Variants in ZNF704 observed in about 807,000 individuals in gnomAD.
ZNF704 encodes the protein glucocorticoid induced gene 1.
In ZNF704, 10 loss-of-function variants were observed where a neutral mutation model predicts 44.7. The observed-to-expected ratio is 0.22, with a 90% CI of 0.14 to 0.38. The LOEUF is 0.38. Among genes scored for constraint, ZNF704 ranks in the 10% least tolerant of loss-of-function variants. The probability of loss-of-function intolerance (pLI) is 1.00; values close to 1 mark genes in which losing one functional copy is unlikely to be tolerated. For synonymous variants in ZNF704, 211 were observed against 207.6 expected (o/e 1.02, Z -0.14); for missense variants, 390 against 545.5 (o/e 0.71, Z 2.84).
intron 1 of ZNF704, among the ~76,000 whole-genome samples, chr8:80,824,787 A>G (rs903243301): frequency 2.6e-5 from 4 of 152,250 alleles, no homozygotes; most frequent in Non-Finnish European, 5.9e-5. Context: ...GTTAAAGAAA[A>G]GAATTTTCAA....
chr8:80,847,402 A>G (rs1282746161), intron 1 of ZNF704, among the ~76,000 whole-genome samples: 1 of 152,166 alleles, frequency 6.6e-6, no homozygotes, highest in African/African-American at 2.4e-5. Context: ...CAATTCTCCT[A>G]AATTTATTTA....
intron 2 of ZNF704, among the ~76,000 whole-genome samples, chr8:80,775,344 T>G (rs146366642): frequency 1.9e-4 from 29 of 152,344 alleles, no homozygotes; most frequent in African/African-American, 6.5e-4. Context: ...GTTTTAAAAT[T>G]AGAATATAAA....
intron 2 of ZNF704, among the ~76,000 whole-genome samples, chr8:80,717,883 G>A (rs1316237433): frequency 6.6e-6 from 1 of 152,190 alleles, no homozygotes; most frequent in East Asian, 1.9e-4. Flanking sequence ...CCATTCATCA[G>A]CTAATTCCCA....
intron 2 of ZNF704, among the ~76,000 whole-genome samples, chr8:80,733,943 G>A (rs969153326): frequency 5.9e-5 from 9 of 152,250 alleles, no homozygotes; most frequent in African/African-American, 2.2e-4. Context: ...TAGAATTATA[G>A]TCACCTCAGA....
At chr8:80,868,941 C>A (rs1349598335) in intron 1 of ZNF704, among the ~76,000 whole-genome samples, 1 of 152,192 alleles carries the variant, frequency 6.6e-6, no homozygotes, top group East Asian at 1.9e-4. Flanking sequence ...TCTGCTCAAT[C>A]CAGTCCTCCA....
intron 2 of ZNF704, among the ~76,000 whole-genome samples, chr8:80,729,100 G>A (rs1252428779): frequency 1.3e-5 from 2 of 152,146 alleles, no homozygotes; most frequent in African/African-American, 4.8e-5. Context: ...TTGAGCTAGG[G>A]TTTTAGGGAA....
intron 2 of ZNF704, among the ~76,000 whole-genome samples, chr8:80,802,194 CAAA>C (rs748625927): frequency 4.8e-5 from 4 of 82,518 alleles, no homozygotes; most frequent in Non-Finnish European, 4.8e-5. Flanking sequence ...GCCTACCAAC[CAAA>C]AAAAAAAAAA....
intron 7 of ZNF704, among the ~76,000 whole-genome samples, chr8:80,644,284 T>G (rs1585917678): frequency 1.3e-5 from 2 of 152,162 alleles, no homozygotes; most frequent in African/African-American, 2.4e-5. Context: ...GTTGCTTTTC[T>G]GTCCCTCAGT....
At chr8:80,838,995 C>G (rs1268247610) in intron 1 of ZNF704, among the ~76,000 whole-genome samples, 2 of 152,212 alleles carry the variant, frequency 1.3e-5, no homozygotes, top group Non-Finnish European at 2.9e-5. Context: ...GAGCTCCAGG[C>G]TGAGTTTGCA....
intron 2 of ZNF704, 57 bp from the exon 3 acceptor site, chr8:80,693,164 A>C (rs576287429): frequency 3.5e-6 from 5 of 1,409,188 alleles, no homozygotes; most frequent in Admixed American, 1.7e-5. Context: ...TGTGGGCCAC[A>C]CAAGGTGTGA....
intron 2 of ZNF704, among the ~76,000 whole-genome samples, chr8:80,708,497 T>C (rs1818931278): frequency 6.6e-6 from 1 of 152,272 alleles, no homozygotes; most frequent in Admixed American, 6.5e-5. Context: ...CATTTGCAGC[T>C]ACTATTTAAC....
At chr8:80,791,722 A>T (rs1807711777) in intron 2 of ZNF704, among the ~76,000 whole-genome samples, 3 of 152,026 alleles carry the variant, frequency 2.0e-5, no homozygotes, top group Admixed American at 2.0e-4. Flanking sequence ...GAAAAAAAAA[A>T]TGATGGCAGC....
intron 7 of ZNF704, among the ~76,000 whole-genome samples, chr8:80,653,258 C>T (rs567629037): frequency 1.3e-5 from 2 of 152,200 alleles, no homozygotes; most frequent in East Asian, 3.9e-4. Context: ...AAAACTGGCA[C>T]AAGACAGGGA....
intron 2 of ZNF704, among the ~76,000 whole-genome samples, chr8:80,813,842 G>A (rs557652343): frequency 6.6e-6 from 1 of 152,166 alleles, no homozygotes; most frequent in East Asian, 1.9e-4. Context: ...TGGTGCCACT[G>A]CACTCCAGCC....
At chr8:80,706,921 A>G (rs1284359043) in intron 2 of ZNF704, among the ~76,000 whole-genome samples, 1 of 152,234 alleles carries the variant, frequency 6.6e-6, no homozygotes, top group Admixed American at 6.5e-5. Context: ...AGACTACTGA[A>G]TCAATCCCCT....
chr8:80,643,016 G>GT lies in ZNF704; in HGVS notation c.1127+18dup, dbSNP rs766974376. 6.5e-7 allele frequency: 1 copy of GT among 1,534,400 alleles called. No homozygotes were observed. Among genetic ancestry groups the GT allele is most frequent in the Non-Finnish European group, 8.8e-7 (1 of 1,132,428 alleles). On this transcript the variant is annotated intron_variant, in intron 8 of 8. Coordinates refer to ENST00000327835, the MANE Select transcript of ZNF704 (RefSeq NM_001033723.3). ...ATTCCCTTGTGGTGAGGTGTGTGGAGTTTTTTAAGCTGTCGTACCTTAAGC... is the reference window on the plus strand; with the variant it reads ...ATTCCCTTGTGGTGAGGTGTGTGGAGTTTTTTTAAGCTGTCGTACCTTAAGC...
At chr8:80,741,859 T>A (rs1431892105) in intron 2 of ZNF704, among the ~76,000 whole-genome samples, 1 of 152,122 alleles carries the variant, frequency 6.6e-6, no homozygotes, top group Admixed American at 6.5e-5. Context: ...TCAGTGATAA[T>A]AGAATACTTG....
chr8:80,642,830 C>G (rs1024678329), intron 8 of ZNF704, among the ~76,000 whole-genome samples: 2 of 152,044 alleles, frequency 1.3e-5, no homozygotes, highest in African/African-American at 4.8e-5. Flanking sequence ...AAAACAAAAA[C>G]CTTATTGTAA....
At chr8:80,865,563 C>G (rs997418172) in intron 1 of ZNF704, among the ~76,000 whole-genome samples, 1 of 152,198 alleles carries the variant, frequency 6.6e-6, no homozygotes, top group African/African-American at 2.4e-5. Flanking sequence ...GGGTATACAA[C>G]CTTTTAAAAC....
Sources: allele counts gnomAD v4.1 joint callset (sites outside exome capture counted in the v4.1 genomes callset), GRCh38; gene constraint gnomAD v4.1.1; transcripts MANE v1.5; gene names NCBI Gene and HGNC (gene_info 2026-07-23, HGNC 2026-07-21).